MRPL1: variants seen among roughly 807,000 people sequenced by gnomAD.
The protein encoded by MRPL1 is large ribosomal subunit protein uL1m.
In MRPL1, 28 loss-of-function variants were observed where a neutral mutation model predicts 38.0. That is an observed-to-expected ratio of 0.74 (90% CI 0.55 to 1.01). MRPL1 has a LOEUF of 1.01. Ranked by LOEUF, MRPL1 falls within the 50% of genes least tolerant of loss-of-function variation. MRPL1 has a pLI of 0.00. For missense variants in MRPL1, 358 were observed against 389.8 expected (o/e 0.92, Z 0.69); for synonymous variants, 123 against 126.7 (o/e 0.97, Z 0.20).
At chr4:77,878,771 C>T (rs999701641) in intron 2 of MRPL1, among the ~76,000 whole-genome samples, 1 of 151,910 alleles carries the variant, frequency 6.6e-6, no homozygotes, top group Non-Finnish European at 1.5e-5. Context: ...CCCAGCTACT[C>T]GGGAGGCTGA....
chr4:77,877,931 ATCT>A (rs1312924605), intron 2 of MRPL1, among the ~76,000 whole-genome samples: 1 of 151,744 alleles, frequency 6.6e-6, no homozygotes, highest in Non-Finnish European at 1.5e-5. Context: ...CGCGCTTCTA[ATCT>A]TCTGCTTTGC....
In MRPL1 at chr4:77,892,164, TC is replaced by T. The variant is rs570996957; in HGVS notation, c.559-1974del. Reference sequence around the variant, plus strand: ...TTCTCTTTTTGAGATGGAGTTTCGCTCTTGTTGCCCAGTGGGGAGTGCAATG... The same window carrying T: ...TTCTCTTTTTGAGATGGAGTTTCGCTTTGTTGCCCAGTGGGGAGTGCAATG... On this transcript the variant is annotated intron_variant, in intron 5 of 8. Transcript: ENST00000315567. 2.4e-3 allele frequency among the ~76,000 whole-genome samples: 359 copies of T among 151,860 alleles called. 1 individual carries two copies. The highest frequency in any genetic ancestry group is 4.3e-3 in the Non-Finnish European group (291 of 67,962).
chr4:77,935,535 C>T (rs561531798), intron 7 of MRPL1, among the ~76,000 whole-genome samples: 1 of 152,118 alleles, frequency 6.6e-6, no homozygotes, highest in East Asian at 2.0e-4. Flanking sequence ...GCTGGGATTA[C>T]AGGTGCCCGC....
At chr4:77,864,638 A>C (rs1735085052) in intron 1 of MRPL1, 1 of 152,184 alleles carries the variant, frequency 6.6e-6, no homozygotes, top group South Asian at 2.1e-4. Flanking sequence ...CTTTTATGGA[A>C]TCATCATTTC....
At chr4:77,891,494 T>A (rs549888024) in intron 5 of MRPL1, among the ~76,000 whole-genome samples, 48 of 152,256 alleles carry the variant, frequency 3.2e-4, no homozygotes, top group South Asian at 2.5e-3. Context: ...TAGCTGGGAT[T>A]ACAGGCGCCT....
At chr4:77,920,420 A>G (rs1035613620) in intron 7 of MRPL1, among the ~76,000 whole-genome samples, 1 of 152,228 alleles carries the variant, frequency 6.6e-6, no homozygotes, top group African/African-American at 2.4e-5. Flanking sequence ...TCAAAAGAAA[A>G]TCTAAAGAGA....
intron 7 of MRPL1, among the ~76,000 whole-genome samples, chr4:77,918,996 G>A (rs978225033): frequency 3.9e-5 from 6 of 152,098 alleles, no homozygotes; most frequent in African/African-American, 1.4e-4. Context: ...GAGTAATATC[G>A]CTGGAATTGT....
rs755557058 is a variant in MRPL1, at chr4:77,871,818, A to G, written c.106A>G (p.Ile36Val). The G allele has an allele frequency of 6.2e-7, 1 of 1,604,432 alleles. No individual in the cohort carries two copies. The highest frequency in any genetic ancestry group is 8.5e-7 in the Non-Finnish European group (1 of 1,177,296). ...ATCACTTTGTTCTTGTTCTGTAAAC[A>G]TCCGAGTGCCCAACAGACATTTTGC... ...QTSLCSCSVN[I>V]RVPNRHFAAA... Residue 36 changes from isoleucine to valine, a missense_variant, in exon 2 of 9, where the codon ATC becomes GTC. Ile to Val is a conservative substitution (Grantham distance 29, BLOSUM62 3). Transcript: ENST00000315567.
At chr4:77,866,050 CAT>C (rs1436584833) in intron 1 of MRPL1, among the ~76,000 whole-genome samples, 2 of 152,158 alleles carry the variant, frequency 1.3e-5, no homozygotes, top group East Asian at 3.9e-4. Context: ...TAAAAAAAAA[CAT>C]GTAAAATACT....
chr4:77,885,347 A>G lies in MRPL1; in HGVS notation c.486+8A>G. 2 of 1,591,804 alleles carry G rather than the reference A, an allele frequency of 1.3e-6. No homozygotes were observed. Among genetic ancestry groups the G allele is most frequent in the Non-Finnish European group, 1.7e-6 (2 of 1,159,988 alleles). Reference sequence around the variant, plus strand: ...GTTGCTGTATTTACAGAGGTGAGTAACTTCCGTCAACTATTTATATCATTT... The same window carrying G: ...GTTGCTGTATTTACAGAGGTGAGTAGCTTCCGTCAACTATTTATATCATTT... On this transcript the variant is annotated splice_region_variant and intron_variant, in intron 4 of 8. Coordinates refer to ENST00000315567, the MANE Select transcript of MRPL1 (RefSeq NM_020236.4).
At chr4:77,907,191 C>T in intron 6 of MRPL1, 2 of 980,408 alleles carry the variant, frequency 2.0e-6, no homozygotes, top group Non-Finnish European at 2.4e-6. Context: ...TTTTTCAGTG[C>T]ATGGAATTAA....
At chr4:77,874,566 A>G (rs374148158) in intron 2 of MRPL1, among the ~76,000 whole-genome samples, 3 of 152,272 alleles carry the variant, frequency 2.0e-5, no homozygotes, top group East Asian at 3.9e-4. Flanking sequence ...TATAATTTTG[A>G]TAAGTAATAC....
At chr4:77,871,407 C>T (rs1735277176) in intron 1 of MRPL1, among the ~76,000 whole-genome samples, 2 of 151,594 alleles carry the variant, frequency 1.3e-5, no homozygotes, top group African/African-American at 4.8e-5. Context: ...TGGGTTCAAA[C>T]GATTCTCCTG....
At chr4:77,877,542 C>T (rs578261815) in intron 2 of MRPL1, among the ~76,000 whole-genome samples, 2 of 150,632 alleles carry the variant, frequency 1.3e-5, no homozygotes, top group African/African-American at 4.9e-5. Flanking sequence ...CTTTTGCACC[C>T]TTCCCTAGCA....
chr4:77,878,833 C>T lies in MRPL1; in HGVS notation c.144-4409C>T, dbSNP rs190243754. On this transcript the variant is annotated intron_variant, in intron 2 of 8. Coordinates refer to ENST00000315567, the MANE Select transcript of MRPL1 (RefSeq NM_020236.4). ...GGCGGACGTTGCAGTGAGCCCAGAT[C>T]GCACCACTGCACTCCAGTCTGGCAA... Among the ~76,000 whole-genome samples the T allele has an allele frequency of 2.4e-3, 370 of 152,130 alleles. 2 individuals are homozygous for T. The highest frequency in any genetic ancestry group is 8.3e-3 in the African/African-American group (345 of 41,504).
chr4:77,945,990 C>T (rs541759047), intron 7 of MRPL1, among the ~76,000 whole-genome samples: 7 of 152,114 alleles, frequency 4.6e-5, no homozygotes, highest in South Asian at 2.1e-4. Context: ...AAACAGGTTT[C>T]GAGAGCAGAG....
At chr4:77,870,629 G>A (rs1399715779) in intron 1 of MRPL1, among the ~76,000 whole-genome samples, 1 of 152,146 alleles carries the variant, frequency 6.6e-6, no homozygotes, top group Non-Finnish European at 1.5e-5. Flanking sequence ...TAAAAGAGGA[G>A]GGAAATATAT....
rs1560456295 is a variant in MRPL1 at position 77,862,869 on chromosome 4, CA to C, written c.22del (p.Met8TrpfsTer5). MAAAVRCMGRALIHHQRH... is the reference protein window; with the variant it reads MAAAVRCXGRALIHHQRH... ...CCAACATGGCGGCGGCCGTAAGGTG[CA>C]TGGGTAGAGGTAAGGCGAGGGGTTG... On this transcript the variant is annotated frameshift_variant, in exon 1 of 9. Transcript: ENST00000315567. LOFTEE classifies it high-confidence loss of function. The C allele has an allele frequency of 1.2e-6, 2 of 1,614,062 alleles. No individual in the cohort carries two copies. The highest frequency in any genetic ancestry group is 1.7e-6 in the Non-Finnish European group (2 of 1,179,996).
chr4:77,900,984 T>A (rs1293657843), intron 6 of MRPL1, among the ~76,000 whole-genome samples: 4 of 151,564 alleles, frequency 2.6e-5, no homozygotes, highest in Non-Finnish European at 5.9e-5. Flanking sequence ...AGTTATTGAT[T>A]AAATGTAGGG....
Sources: gnomAD v4.1 joint callset for allele counts (sites outside exome capture counted in the v4.1 genomes callset) on GRCh38, gnomAD v4.1.1 for gene constraint, MANE v1.5 for transcripts, NCBI Gene and HGNC (gene_info 2026-07-23, HGNC 2026-07-21) for gene names.